PPP4R2: variants seen among roughly 807,000 people sequenced by gnomAD.
The protein encoded by PPP4R2 is protein phosphatase 4 regulatory subunit 2, also known as serine/threonine-protein phosphatase 4 regulatory subunit 2.
Under a neutral mutation model 47.2 loss-of-function variants are expected in PPP4R2, and 13 were observed. That is an observed-to-expected ratio of 0.28 (90% CI 0.18 to 0.44). PPP4R2 has a LOEUF of 0.44. Among genes scored for constraint, PPP4R2 ranks in the 20% least tolerant of loss-of-function variants. The pLI is 1.00. For synonymous variants in PPP4R2, 151 were observed against 163.3 expected, an observed-to-expected ratio of 0.92 and a Z score of 0.57; for missense variants, 421 against 491.2, an observed-to-expected ratio of 0.86 and a Z score of 1.35.
intron 2 of PPP4R2, among the ~76,000 whole-genome samples, chr3:73,006,184 G>A (rs962936522): frequency 1.4e-5 from 2 of 141,414 alleles, no homozygotes; most frequent in African/African-American, 5.4e-5. Context: ...GTATGAATAT[G>A]CCACAATTTT....
chr3:73,010,230 T>C (rs1436701685), intron 2 of PPP4R2, among the ~76,000 whole-genome samples: 2 of 150,422 alleles, frequency 1.3e-5, no homozygotes, highest in Non-Finnish European at 2.9e-5. Context: ...CTTTTTTGTT[T>C]TGTTTTTTTT....
chr3:73,048,043 A>G (rs1702522449), intron 3 of PPP4R2, among the ~76,000 whole-genome samples: 1 of 151,896 alleles, frequency 6.6e-6, no homozygotes. Context: ...CACCCGGCTA[A>G]TTTTTGTATT....
chr3:73,021,844 C>CTGTGTGTG (rs1172743928), intron 2 of PPP4R2, among the ~76,000 whole-genome samples: 10 of 137,370 alleles, frequency 7.3e-5, no homozygotes, highest in Admixed American at 3.0e-4. Context: ...TATTACATTT[C>CTGTGTGTG]TATATGTGTG....
At chr3:73,018,552 C>G (rs1398163355) in intron 2 of PPP4R2, among the ~76,000 whole-genome samples, 2 of 132,952 alleles carry the variant, frequency 1.5e-5, no homozygotes, top group African/African-American at 2.7e-5. Context: ...CACCCGGGCA[C>G]AAGCAGTTCT....
At chr3:73,025,426 C>T (rs1702044526) in intron 2 of PPP4R2, among the ~76,000 whole-genome samples, 1 of 152,018 alleles carries the variant, frequency 6.6e-6, no homozygotes, top group Non-Finnish European at 1.5e-5. Flanking sequence ...GCTTATATTT[C>T]TTGATACTGT....
intron 2 of PPP4R2, among the ~76,000 whole-genome samples, chr3:73,006,987 A>G (rs1701622731): frequency 1.3e-5 from 2 of 152,176 alleles, no homozygotes; most frequent in African/African-American, 4.8e-5. Flanking sequence ...TGTTGTAAAT[A>G]TGGTCCACTG....
At chr3:73,043,801 A>G (rs932242396) in intron 2 of PPP4R2, among the ~76,000 whole-genome samples, 4 of 152,222 alleles carry the variant, frequency 2.6e-5, no homozygotes, top group East Asian at 1.9e-4. Context: ...GAAGTGTACA[A>G]TTTATTGCCA....
At chr3:73,005,620 C>G (rs11712300) in intron 2 of PPP4R2, among the ~76,000 whole-genome samples, 79,869 of 151,246 alleles carry the variant, frequency 0.53, 21,478 homozygotes, top group African/African-American at 0.62. Flanking sequence ...AGGCTGAGGC[C>G]GGCGGATCAC....
At chr3:73,041,417 T>C (rs1197617449) in intron 2 of PPP4R2, among the ~76,000 whole-genome samples, 1 of 152,258 alleles carries the variant, frequency 6.6e-6, no homozygotes, top group East Asian at 1.9e-4. Context: ...TAATTCAGTA[T>C]TCAGATTAAA....
chr3:73,022,787 A>T (rs1400336847), intron 2 of PPP4R2, among the ~76,000 whole-genome samples: 10 of 144,976 alleles, frequency 6.9e-5, no homozygotes, highest in Non-Finnish European at 1.2e-4. Flanking sequence ...TTTTTTTTTT[A>T]AACAATGCAG....
intron 2 of PPP4R2, among the ~76,000 whole-genome samples, chr3:73,016,299 TG>T (rs1193053985): frequency 1.3e-5 from 2 of 152,100 alleles, no homozygotes; most frequent in Non-Finnish European, 2.9e-5. Flanking sequence ...CTTATAGCAG[TG>T]GTTCTAAACC....
intron 2 of PPP4R2, among the ~76,000 whole-genome samples, chr3:73,010,226 T>G (rs991949672): frequency 6.7e-6 from 1 of 149,480 alleles, no homozygotes; most frequent in Non-Finnish European, 1.5e-5. Flanking sequence ...AAAACTTTTT[T>G]GTTTTGTTTT....
intron 2 of PPP4R2, among the ~76,000 whole-genome samples, chr3:72,998,615 A>G (rs761440536): frequency 4.6e-5 from 7 of 152,172 alleles, no homozygotes; most frequent in African/African-American, 9.6e-5. Flanking sequence ...TGTCACTTCT[A>G]TTTATCGTCT....
chr3:73,068,729 C>G lies in PPP4R2; in HGVS notation c.*3007C>G, dbSNP rs1703051142. The G allele has an allele frequency of 6.6e-6, 1 of 152,102 alleles. No homozygotes were observed. Among genetic ancestry groups the G allele is most frequent in the Non-Finnish European group, 1.5e-5 (1 of 68,026 alleles). The allele number at this position is 152,102 out of a possible 1,614,324, so 9.4% of individuals were successfully genotyped here. ...TTATGCATTTTTGCATTTGTAAAAT[C>G]AACTTTTCAAATAATGTAAATGTAA... On this transcript the variant is annotated 3_prime_UTR_variant, in exon 9 of 9. Transcript: ENST00000356692.
At position 73,056,893 on chromosome 3, in the gene PPP4R2, G is replaced by A. The variant is rs867007768; in HGVS notation, c.288-2144G>A. 2.6e-4 allele frequency among the ~76,000 whole-genome samples: 39 copies of A among 152,232 alleles called. No individual in the cohort carries two copies. The South Asian group carries it at 2.7e-3, about 11-fold the overall frequency. On this transcript the variant is annotated intron_variant, in intron 3 of 8. Transcript: ENST00000356692. ...GAGAAAACATTAGGTTTTAATGTGG[G>A]AAAGAATTTTAGTAGGAAGAAAAAG...
chr3:73,065,121 A>T lies in PPP4R2; in HGVS notation c.908A>T (p.Glu303Val), dbSNP rs201467958. The T allele has an allele frequency of 9.1e-5, 147 of 1,609,844 alleles. No individual in the cohort carries two copies. In the East Asian group the frequency reaches 2.9e-3, roughly 32 times the overall value. Residue 303 changes from glutamate (E) to valine (V), a missense_variant, in exon 8 of 9, where the codon GAG becomes GTG. Glu to Val is a moderately radical substitution (Grantham distance 121). Transcript: ENST00000356692. ...CACTGTACAGAAGAGGATGAAGAAG[A>T]GGATGAAGAGGAAGAAGAAGGTATT... is the stretch of plus-strand genomic sequence containing the variant. ...RQHCTEEDEE[E>V]DEEEEEESFM...
rs1245599779 is a variant in PPP4R2, at chr3:73,002,629, C to CTTTTTTTT, written c.116+4475_116+4476insTTTTTTTT. Among the ~76,000 whole-genome samples, 441 of 82,834 alleles carry CTTTTTTTT rather than the reference C, an allele frequency of 5.3e-3. 28 individuals carry two copies. Among genetic ancestry groups the CTTTTTTTT allele is most frequent in the African/African-American group, 7.8e-3 (141 of 18,064 alleles). 54.3% of individuals were successfully genotyped at this position (82,834 alleles called of 152,430 possible). A position where few individuals can be genotyped will look rare whatever the true frequency, so the allele number is the denominator to read the frequency against. Reference sequence around the variant, plus strand: ...TTTTTCTTTTCTTTTCTTTTCTTTTCTTTTCTTTTTTTTTTTTTTTTTTTT... The same window carrying CTTTTTTTT: ...TTTTTCTTTTCTTTTCTTTTCTTTTCTTTTTTTTTTTTCTTTTTTTTTTTTTTTTTTTT... On this transcript the variant is annotated intron_variant, in intron 2 of 8. Transcript: ENST00000356692.
intron 1 of PPP4R2, 29 bp from the exon 2 acceptor site, chr3:72,998,048 A>T: frequency 6.6e-7 from 1 of 1,521,248 alleles, no homozygotes. Context: ...GAGAAAACTG[A>T]TAACGTTTTT....
chr3:73,017,827 A>G (rs2107242609), intron 2 of PPP4R2, among the ~76,000 whole-genome samples: 1 of 151,942 alleles, frequency 6.6e-6, no homozygotes, highest in South Asian at 2.1e-4. Flanking sequence ...CCTGGGTTCT[A>G]GCAATTCTCC....
Sources: allele counts gnomAD v4.1 joint callset (sites outside exome capture counted in the v4.1 genomes callset), GRCh38; gene constraint gnomAD v4.1.1; transcripts MANE v1.5; gene names NCBI Gene and HGNC (gene_info 2026-07-23, HGNC 2026-07-21).